The following CHODL variants were observed in gnomAD, a reference collection of about 807,000 sequenced individuals.
CHODL encodes transmembrane protein MT75.
Under a neutral mutation model 34.5 loss-of-function variants are expected in CHODL, and 29 were observed. The observed-to-expected ratio is 0.84, with a 90% CI of 0.63 to 1.15. The LOEUF (loss-of-function observed/expected upper bound fraction) is 1.15. Ranked by LOEUF, CHODL falls within the 50% of genes most tolerant of loss-of-function variation. CHODL has a pLI of 0.00. For synonymous variants in CHODL, 125 were observed against 116.1 expected (o/e 1.08, Z -0.49); for missense variants, 332 against 332.5 (o/e 1.00, Z 0.01).
intron 2 of CHODL, among the ~76,000 whole-genome samples, chr21:18,028,375 T>C (rs2064207663): frequency 6.6e-6 from 1 of 151,260 alleles, no homozygotes; most frequent in Admixed American, 6.6e-5. Flanking sequence ...TATCTATTTT[T>C]ACAGGTAAGT....
chr21:18,071,424 C>A (rs1180746999), intron 2 of CHODL, among the ~76,000 whole-genome samples: 6 of 152,050 alleles, frequency 3.9e-5, no homozygotes, highest in African/African-American at 1.5e-4. Flanking sequence ...GGATTACAGG[C>A]ATGAGTCACC....
intron 1 of CHODL, among the ~76,000 whole-genome samples, chr21:17,945,569 A>G (rs1163041690): frequency 6.6e-6 from 1 of 152,208 alleles, no homozygotes; most frequent in Non-Finnish European, 1.5e-5. Flanking sequence ...GAGTTAAAGA[A>G]TGAAAAAGAA....
At chr21:17,972,760 A>G (rs1039289268) in intron 1 of CHODL, among the ~76,000 whole-genome samples, 2 of 152,224 alleles carry the variant, frequency 1.3e-5, no homozygotes, top group Non-Finnish European at 2.9e-5. Flanking sequence ...TCAAGCTACC[A>G]TTGGCTGTTT....
chr21:18,107,481 C>T (rs557213536), intron 2 of CHODL, among the ~76,000 whole-genome samples: 2 of 152,338 alleles, frequency 1.3e-5, no homozygotes, highest in Non-Finnish European at 2.9e-5. Context: ...CCATAGCAGG[C>T]CTTGAAAGCA....
rs139163541 is a variant in CHODL at position 18,119,023 on chromosome 21, A to G, written c.-45+91052A>G. Among the ~76,000 whole-genome samples, 718 of 152,166 alleles carry G rather than the reference A, an allele frequency of 4.7e-3. 7 individuals are homozygous for G. The highest frequency in any genetic ancestry group is 0.016 in the African/African-American group (666 of 41,498). ...ATCTCTTTCCCCTCTTTCCTTTTAT[A>G]TGATATATCCTTTTATTTTTTAAAA... On this transcript the variant is annotated intron_variant, in intron 2 of 6. Transcript: ENST00000400127.
chr21:18,262,647 AT>A, intron 4 of CHODL, 143 bp from the exon 5 acceptor site: 1 of 593,196 alleles, frequency 1.7e-6, no homozygotes, highest in Non-Finnish European at 3.0e-6. Context: ...ATTTCATTAG[AT>A]TTTTCAATAT....
At position 17,918,604 on chromosome 21, in the gene CHODL, G is replaced by A. The variant is rs150980982; in HGVS notation, c.-145+1204G>A. Among the ~76,000 whole-genome samples, 1,216 of 152,246 alleles carry A rather than the reference G, an allele frequency of 8.0e-3. 18 individuals carry two copies. The highest frequency in any genetic ancestry group is 0.027 in the African/African-American group (1,121 of 41,528). On this transcript the variant is annotated intron_variant, in intron 1 of 6. Coordinates refer to the CHODL transcript ENST00000400127. ...AGGACACATGGGAATTGTGGGAGTT[G>A]CAATTTAAGATGAGATATGGGTGGG...
chr21:18,136,528 GTT>G (rs1032045672), intron 2 of CHODL, among the ~76,000 whole-genome samples: 59 of 152,096 alleles, frequency 3.9e-4, no homozygotes, highest in African/African-American at 1.4e-3. Flanking sequence ...ACCACTGAGT[GTT>G]TTATATACCT....
chr21:17,946,312 G>T (rs1006999448), intron 1 of CHODL, among the ~76,000 whole-genome samples: 2 of 152,174 alleles, frequency 1.3e-5, no homozygotes, highest in South Asian at 2.1e-4. Flanking sequence ...CCAGCTACTC[G>T]GGAGGCTGAG....
chr21:18,017,184 T>C (rs191576242), intron 1 of CHODL, among the ~76,000 whole-genome samples: 22 of 152,286 alleles, frequency 1.4e-4, no homozygotes, highest in Admixed American at 1.4e-3. Context: ...GAGAAGGCCA[T>C]GAGATTTGGA....
At chr21:17,953,155 C>G (rs1156578137) in intron 1 of CHODL, among the ~76,000 whole-genome samples, 1 of 152,120 alleles carries the variant, frequency 6.6e-6, no homozygotes, top group Non-Finnish European at 1.5e-5. Context: ...AAATATTTGA[C>G]CACAGTGCCC....
chr21:18,117,815 A>C (rs2065431866), intron 2 of CHODL, among the ~76,000 whole-genome samples: 1 of 152,172 alleles, frequency 6.6e-6, no homozygotes, highest in Non-Finnish European at 1.5e-5. Flanking sequence ...GGAAAGCTTG[A>C]TAAAGGTGAA....
At chr21:18,015,097 A>G (rs569994745) in intron 1 of CHODL, among the ~76,000 whole-genome samples, 1 of 152,298 alleles carries the variant, frequency 6.6e-6, no homozygotes, top group Non-Finnish European at 1.5e-5. Context: ...AATGAAGTCC[A>G]GTCTGATGAG....
At chr21:18,038,586 A>G (rs2064338225) in intron 2 of CHODL, among the ~76,000 whole-genome samples, 1 of 151,720 alleles carries the variant, frequency 6.6e-6, no homozygotes, top group Non-Finnish European at 1.5e-5. Context: ...ATGCTTTATT[A>G]TTGAAACTAA....
intron 2 of CHODL, among the ~76,000 whole-genome samples, chr21:18,055,737 G>A (rs959023999): frequency 4.6e-5 from 7 of 152,032 alleles, no homozygotes; most frequent in Admixed American, 2.0e-4. Flanking sequence ...TCAGGGCTAA[G>A]TCAATACCAA....
intron 2 of CHODL, among the ~76,000 whole-genome samples, chr21:18,035,111 G>A (rs2146445244): frequency 6.6e-6 from 1 of 152,054 alleles, no homozygotes. Flanking sequence ...GTTTTTAGAT[G>A]AGCCTTTATA....
At chr21:18,177,611 G>A (rs2073331604) in intron 2 of CHODL, among the ~76,000 whole-genome samples, 1 of 152,124 alleles carries the variant, frequency 6.6e-6, no homozygotes, top group Non-Finnish European at 1.5e-5. Context: ...TTCATAGACA[G>A]AGGGATAATG....
intron 1 of CHODL, among the ~76,000 whole-genome samples, chr21:17,926,634 A>G (rs1026611252): frequency 3.3e-5 from 5 of 152,020 alleles, no homozygotes; most frequent in Non-Finnish European, 5.9e-5. Context: ...TGTGATACTC[A>G]CTCACTGTCA....
chr21:18,144,886 A>G (rs566267984), intron 2 of CHODL, among the ~76,000 whole-genome samples: 2 of 150,712 alleles, frequency 1.3e-5, no homozygotes, highest in African/African-American at 4.8e-5. Flanking sequence ...TCAGAATCAC[A>G]TTAACAAAGT....
Sources: allele counts gnomAD v4.1 joint callset (sites outside exome capture counted in the v4.1 genomes callset), GRCh38; gene constraint gnomAD v4.1.1; transcripts MANE v1.5; gene names NCBI Gene and HGNC (gene_info 2026-07-23, HGNC 2026-07-21).